The following ARHGEF12 variants were observed in gnomAD, a reference collection of about 807,000 sequenced individuals.
ARHGEF12 encodes Rho guanine nucleotide exchange factor 12.
Under a neutral mutation model 211.2 loss-of-function variants are expected in ARHGEF12, and 66 were observed. That is an observed-to-expected ratio of 0.31 (90% CI 0.26 to 0.38). ARHGEF12 has a LOEUF of 0.38. ARHGEF12 is among the 10% of genes least tolerant of loss of function. The pLI is 1.00. For missense variants in ARHGEF12, 1,429 were observed against 1,869.5 expected, an observed-to-expected ratio of 0.76 and a Z score of 4.34; for synonymous variants, 592 against 638.4, an observed-to-expected ratio of 0.93 and a Z score of 1.09.
intron 1 of ARHGEF12, among the ~76,000 whole-genome samples, chr11:120,347,266 C>CTGTGTGTGTG (rs1403212586): frequency 1.8e-4 from 24 of 133,594 alleles, no homozygotes; most frequent in African/African-American, 7.3e-4. Context: ...CTCTCTCTCT[C>CTGTGTGTGTG]TGTCTGTGTG....
rs901056192 is a variant in ARHGEF12, at chr11:120,478,325, C to T, written c.3702C>T (p.Ile1234=). The T allele has an allele frequency of 2.0e-5, 32 of 1,614,052 alleles. No homozygotes were observed. Among genetic ancestry groups the T allele is most frequent in the South Asian group, 3.3e-5 (3 of 91,084 alleles). The change falls in exon 37 of 41, where the codon ATC becomes ATT. Residue 1234 remains isoleucine, a synonymous_variant. Coordinates refer to ENST00000397843, the MANE Select transcript of ARHGEF12 (RefSeq NM_015313.3). The stretch of plus-strand genomic sequence containing the variant: ...AGGAAGTTGGAGAAGATTATCAAAT[C>T]GCAATCCCAGATTCACACCTGCCTG... ...TLKEVGEDYQ[I]AIPDSHLPVS...
At chr11:120,437,227 AT>A (rs947093388) in intron 11 of ARHGEF12, 80 bp from the exon 12 acceptor site, 237 of 909,728 alleles carry the variant, frequency 2.6e-4, no homozygotes, top group South Asian at 4.3e-4. Flanking sequence ...ATTCAGAACA[AT>A]TTTTTTTTCA....
chr11:120,442,986 C>G (rs1945927579), intron 15 of ARHGEF12, among the ~76,000 whole-genome samples: 1 of 151,418 alleles, frequency 6.6e-6, no homozygotes, highest in Non-Finnish European at 1.5e-5. Context: ...ATACCATGTA[C>G]TCTACTCTTT....
rs1233409789 is a variant in ARHGEF12 at position 120,336,821 on chromosome 11, C to T, written c.-423C>T. 5.9e-6 allele frequency: 2 copies of T among 337,808 alleles called. No individual in the cohort carries two copies. The highest frequency in any genetic ancestry group is 8.8e-5 in the East Asian group (2 of 22,716). The allele number at this position is 337,808 out of a possible 1,614,324, so 20.9% of individuals were successfully genotyped here. A position where few individuals can be genotyped will look rare whatever the true frequency, so the allele number is the denominator to read the frequency against. ...AGAGAGCCGGGAGGGAGGGCCCCGG[C>T]CCTTGCCGCGGCGGGGAGTTCGAGG... On this transcript the variant is annotated 5_prime_UTR_variant, in exon 1 of 41. Coordinates refer to ENST00000397843, the MANE Select transcript of ARHGEF12 (RefSeq NM_015313.3).
At chr11:120,395,830 A>T (rs902871126) in intron 1 of ARHGEF12, among the ~76,000 whole-genome samples, 7 of 152,052 alleles carry the variant, frequency 4.6e-5, no homozygotes, top group African/African-American at 1.7e-4. Context: ...GGGAGCTACA[A>T]TTCAAGATGA....
chr11:120,467,168 AT>A, intron 28 of ARHGEF12, 25 bp from the exon 29 acceptor site: 1 of 1,404,082 alleles, frequency 7.1e-7, no homozygotes, highest in Non-Finnish European at 1.0e-6. Flanking sequence ...AGAATTACAG[AT>A]TCACTTATTT....
At chr11:120,343,929 T>C (rs991325181) in intron 1 of ARHGEF12, among the ~76,000 whole-genome samples, 13 of 152,176 alleles carry the variant, frequency 8.5e-5, no homozygotes, top group African/African-American at 3.1e-4. Context: ...AAGAGGACTT[T>C]GTAGATCTTT....
At chr11:120,337,907 A>C in intron 1 of ARHGEF12, 1 of 985,362 alleles carries the variant, frequency 1.0e-6, no homozygotes, top group Non-Finnish European at 1.2e-6. Flanking sequence ...TTGTATTTAA[A>C]TATTTCGTCT....
chr11:120,405,378 C>T (rs1591549751), intron 1 of ARHGEF12, among the ~76,000 whole-genome samples: 1 of 151,910 alleles, frequency 6.6e-6, no homozygotes, highest in Non-Finnish European at 1.5e-5. Context: ...AAGAAGCTTC[C>T]GGCAGTATTC....
intron 1 of ARHGEF12, among the ~76,000 whole-genome samples, chr11:120,397,456 AG>A (rs1944424942): frequency 6.6e-6 from 1 of 152,240 alleles, no homozygotes; most frequent in Non-Finnish European, 1.5e-5. Context: ...GAAGAAATCA[AG>A]GGGGAGTATA....
At chr11:120,467,060 T>C in intron 28 of ARHGEF12, 134 bp from the exon 29 acceptor site, 1 of 589,434 alleles carries the variant, frequency 1.7e-6, no homozygotes, top group South Asian at 2.3e-5. Flanking sequence ...GTGGCAATGA[T>C]ATATCTTGGC....
At chr11:120,400,677 C>T (rs1315059624) in intron 1 of ARHGEF12, among the ~76,000 whole-genome samples, 1 of 152,158 alleles carries the variant, frequency 6.6e-6, no homozygotes, top group African/African-American at 2.4e-5. Context: ...CTGCATTTCT[C>T]AGTCAGCAAC....
intron 11 of ARHGEF12, among the ~76,000 whole-genome samples, chr11:120,433,580 C>T (rs1460269728): frequency 2.0e-5 from 3 of 152,166 alleles, no homozygotes; most frequent in South Asian, 2.1e-4. Flanking sequence ...GCAAATGATA[C>T]GAATGAGAAA....
Position 120,375,550 on chromosome 11 carries a change from CT to C in ARHGEF12, c.33-30553del, listed in dbSNP as rs751429193. On this transcript the variant is annotated intron_variant, in intron 1 of 40. Coordinates refer to ENST00000397843, the MANE Select transcript of ARHGEF12 (RefSeq NM_015313.3). The stretch of plus-strand genomic sequence containing the variant: ...GTGTTCCAAGTTCTGATGGGGTGGC[CT>C]TTTTTTTTTTTTTTAAATAAAAAGT... Among the ~76,000 whole-genome samples, 812 of 136,674 alleles carry C rather than the reference CT, an allele frequency of 5.9e-3. 6 individuals carry two copies. The highest frequency in any genetic ancestry group is 0.024 in the Admixed American group (332 of 13,676). 89.7% of individuals were successfully genotyped at this position (136,674 alleles called of 152,430 possible).
intron 7 of ARHGEF12, among the ~76,000 whole-genome samples, chr11:120,425,760 TAAA>T (rs35751948): frequency 7.3e-5 from 10 of 137,122 alleles, no homozygotes; most frequent in Non-Finnish European, 9.5e-5. Context: ...TTGTATCTCT[TAAA>T]AAAAAAAAAA....
intron 1 of ARHGEF12, among the ~76,000 whole-genome samples, chr11:120,355,049 A>T (rs1356115059): frequency 6.6e-6 from 1 of 152,206 alleles, no homozygotes; most frequent in Admixed American, 6.5e-5. Flanking sequence ...AACTTTGCTT[A>T]TCCAGCTTGA....
At chr11:120,449,476 G>A (rs1156708840) in intron 21 of ARHGEF12, 19 of 349,206 alleles carry the variant, frequency 5.4e-5, no homozygotes, top group Non-Finnish European at 8.9e-5. Flanking sequence ...TGAGGCAGGC[G>A]GATCACAAGT....
At chr11:120,389,400 G>C (rs1022872468) in intron 1 of ARHGEF12, among the ~76,000 whole-genome samples, 2 of 152,040 alleles carry the variant, frequency 1.3e-5, no homozygotes, top group Non-Finnish European at 2.9e-5. Context: ...ACACCTCTTT[G>C]CTTCTAGTTT....
In ARHGEF12 at chr11:120,457,767, C is replaced by G; in HGVS notation, c.2225+11C>G. ...AAAGCCCTTTCGAAAGTAAGTAAAT[C>G]TTAAGCAGCTTTCAATAAAGGCGCA... On this transcript the variant is annotated intron_variant, in intron 24 of 40. Transcript: ENST00000397843. The G allele has an allele frequency of 1.2e-6, 2 of 1,607,324 alleles. No homozygotes were observed. The highest frequency in any genetic ancestry group is 8.5e-7 in the Non-Finnish European group (1 of 1,177,064).
Sources: gnomAD v4.1 joint callset for allele counts (sites outside exome capture counted in the v4.1 genomes callset) on GRCh38, gnomAD v4.1.1 for gene constraint, MANE v1.5 for transcripts, NCBI Gene and HGNC (gene_info 2026-07-23, HGNC 2026-07-21) for gene names.